CDH22: variants seen among roughly 807,000 people sequenced by gnomAD.
The protein encoded by CDH22 is cadherin 22, also known as cadherin-22.
A neutral mutation model predicts 58.4 loss-of-function variants in CDH22; 30 were observed. That is an observed-to-expected ratio of 0.51 (90% CI 0.38 to 0.70). CDH22 has a LOEUF of 0.70. Ranked by LOEUF, CDH22 falls within the 30% of genes least tolerant of loss-of-function variation. The pLI, the probability that CDH22 is intolerant of heterozygous loss-of-function variation, is 0.00. For synonymous variants in CDH22, 513 were observed against 558.2 expected (o/e 0.92, Z 1.14); for missense variants, 1,014 against 1,233.9 (o/e 0.82, Z 2.67).
rs763233491 is a variant in CDH22 at position 46,174,601 on chromosome 20, C to T, written c.2392G>A (p.Asp798Asn). The T allele has an allele frequency of 8.5e-5, 130 of 1,536,188 alleles. 1 individual carries two copies. The highest frequency in any genetic ancestry group is 1.7e-4 in the Middle Eastern group (1 of 5,940). The stretch of plus-strand genomic sequence containing the variant: ...CCCCAGCTGCTGAGATAGGCGAAGT[C>T]CTGCTCGGAGCCCGACGAGCCGCTG... ...LHSGSSGSEQDFAYLSSWGPR... is the reference protein window; with the variant it reads ...LHSGSSGSEQNFAYLSSWGPR... The change falls in exon 12 of 12, where the codon GAC becomes AAC. Residue 798 changes from aspartate to asparagine, a missense_variant. By Grantham distance (23) the Asp-to-Asn change is conservative. This residue lies in a region of CDH22 where 208 missense variants were observed against 195.2 expected (regional missense o/e 1.07). Coordinates refer to ENST00000537909, the MANE Select transcript of CDH22 (RefSeq NM_021248.3). This position sits in a 1 kb window ranked among gnomAD's most constrained non-coding sequence, Gnocchi z 4.4.
intron 7 of CDH22, among the ~76,000 whole-genome samples, chr20:46,209,531 A>G (rs1406757502): frequency 6.6e-6 from 1 of 152,140 alleles, no homozygotes; most frequent in East Asian, 1.9e-4. Context: ...TCCTGCAACA[A>G]TTCTAGGTTA....
chr20:46,198,085 G>T (rs111962468), intron 8 of CDH22, among the ~76,000 whole-genome samples: 218 of 152,262 alleles, frequency 1.4e-3, no homozygotes, highest in African/African-American at 4.8e-3. Flanking sequence ...GGCTGATGGG[G>T]TAGAGAAGCT....
intron 1 of CDH22, among the ~76,000 whole-genome samples, chr20:46,280,212 G>A (rs186319717): frequency 2.0e-4 from 31 of 152,282 alleles, no homozygotes; most frequent in African/African-American, 6.7e-4. Flanking sequence ...TTGAGCTCAG[G>A]TGTTTGAGAC....
At chr20:46,259,312 G>C (rs75579574) in intron 1 of CDH22, among the ~76,000 whole-genome samples, 4,503 of 152,258 alleles carry the variant, frequency 0.03, 97 homozygotes, top group Middle Eastern at 0.065. Context: ...TGAACTACTA[G>C]GTACCAAGTT....
intron 4 of CDH22, among the ~76,000 whole-genome samples, chr20:46,223,657 T>TTCTC (rs1568664066): frequency 2.1e-5 from 3 of 140,300 alleles, no homozygotes; most frequent in African/African-American, 7.9e-5. Flanking sequence ...TTCTCTTTCT[T>TTCTC]TTTCTTTCCT....
chr20:46,253,357 G>A (rs1054951030), intron 1 of CDH22, among the ~76,000 whole-genome samples: 1 of 152,166 alleles, frequency 6.6e-6, no homozygotes, highest in Non-Finnish European at 1.5e-5. Context: ...GACGGTGAAG[G>A]GGTTAAGCTG....
intron 1 of CDH22, among the ~76,000 whole-genome samples, chr20:46,253,916 G>A (rs572237836): frequency 2.0e-5 from 3 of 152,236 alleles, no homozygotes; most frequent in South Asian, 2.1e-4. Context: ...CAGTGTTCAC[G>A]GGCACCAAGC....
At chr20:46,185,130 T>TACAC (rs11467388) in intron 10 of CDH22, among the ~76,000 whole-genome samples, 2,973 of 148,738 alleles carry the variant, frequency 0.02, 50 homozygotes, top group Non-Finnish European at 0.029. Context: ...CCCACACGCA[T>TACAC]ACACACACAC....
rs553040712 is a variant in CDH22, at chr20:46,174,870, C to T, written c.2123G>A (p.Gly708Glu). Residue 708 changes from glycine to glutamate, a missense_variant, in exon 12 of 12, where the codon GGG becomes GAG. This residue lies in a region of CDH22 where 208 missense variants were observed against 195.2 expected (regional missense o/e 1.07). Coordinates refer to ENST00000537909, the MANE Select transcript of CDH22 (RefSeq NM_021248.3). This position sits in a 1 kb window ranked among gnomAD's most constrained non-coding sequence, Gnocchi z 4.4. ...KGGDGGGSAGGGAGGGSGGGA... is the reference protein window; with the variant it reads ...KGGDGGGSAGEGAGGGSGGGA... ...CCCGCCCGAGCCCCCGCCCGCTCCC[C>T]CGCCCGCGCTGCCGCCCCCGTCGCC... 1.6e-5 allele frequency: 21 copies of T among 1,348,194 alleles called. No homozygotes were observed. The African/African-American group carries it at 2.2e-4, about 14-fold the overall frequency. 83.5% of individuals were successfully genotyped at this position (1,348,194 alleles called of 1,614,324 possible).
rs887399718 is a variant in CDH22, at chr20:46,186,919, G to T, written c.1452C>A (p.Ser484=). The T allele has an allele frequency of 6.2e-7, 1 of 1,607,682 alleles. No individual in the cohort carries two copies. The highest frequency in any genetic ancestry group is 1.7e-5 in the Admixed American group (1 of 59,460). The change falls in exon 9 of 12, where the codon TCC becomes TCA. Residue 484 remains serine, a synonymous_variant. Transcript: ENST00000537909. ...TCACATCCAGGATTCGGATCCTTAGGGATGCCCGGGATAGCTGTGCATGAT... is the reference window on the plus strand; with the variant it reads ...TCACATCCAGGATTCGGATCCTTAGTGATGCCCGGGATAGCTGTGCATGAT... ...ADNHAQLSRA[S]LRIRILDVND...
intron 4 of CDH22, among the ~76,000 whole-genome samples, chr20:46,225,607 T>C (rs1472021075): frequency 6.6e-6 from 1 of 152,158 alleles, no homozygotes; most frequent in African/African-American, 2.4e-5. Flanking sequence ...GGGGACTGGA[T>C]GGGGTGAAGA....
chr20:46,255,640 C>T (rs561836606), intron 1 of CDH22, among the ~76,000 whole-genome samples: 4 of 152,320 alleles, frequency 2.6e-5, no homozygotes, highest in African/African-American at 9.6e-5. Context: ...GGCTAGGTGC[C>T]CTGGCAGCCT....
chr20:46,241,623 C>T lies in CDH22; in HGVS notation c.256-366G>A, dbSNP rs1019740518. 2.6e-5 allele frequency among the ~76,000 whole-genome samples: 4 copies of T among 152,222 alleles called. No individual in the cohort carries two copies. Among genetic ancestry groups the T allele is most frequent in the African/African-American group, 9.6e-5 (4 of 41,462 alleles). ...TCTCTCCCCTTTAGCACGCACAGCT[C>T]TGAGGCTTCTGCCTTGAGCCCTGTC... On this transcript the variant is annotated intron_variant, in intron 2 of 11. Transcript: ENST00000537909. The surrounding 1 kb of genome is among the most constrained non-coding windows in gnomAD (Gnocchi z 5.2).
chr20:46,246,709 G>A (rs2086331796), intron 2 of CDH22, among the ~76,000 whole-genome samples: 1 of 152,168 alleles, frequency 6.6e-6, no homozygotes, highest in Admixed American at 6.5e-5. Context: ...GAGTGATGGA[G>A]GAGGCGGTTG....
intron 7 of CDH22, among the ~76,000 whole-genome samples, chr20:46,208,794 T>A (rs980808962): frequency 6.6e-6 from 1 of 152,156 alleles, no homozygotes. Flanking sequence ...GGTTTCACCA[T>A]GTTGGTCAGG....
intron 8 of CDH22, 146 bp downstream of exon 8, chr20:46,199,277 G>C: frequency 2.1e-6 from 2 of 953,850 alleles, no homozygotes; most frequent in South Asian, 1.7e-5. Context: ...CTTTCTCTTC[G>C]CACCATCCCC....
At chr20:46,267,310 C>T (rs1206232129) in intron 1 of CDH22, among the ~76,000 whole-genome samples, 3 of 152,138 alleles carry the variant, frequency 2.0e-5, no homozygotes, top group Non-Finnish European at 4.4e-5. Context: ...AACTGTGTGC[C>T]CAGCCCCGAG....
At position 46,216,928 on chromosome 20, in the gene CDH22, G is replaced by A. The variant is rs1180366835; in HGVS notation, c.736C>T (p.Gln246Ter). Residue 246 changes from glutamine to a stop codon, truncating the protein, a stop_gained, in exon 5 of 12, where the codon CAG (glutamine) becomes TAG (stop). Transcript: ENST00000537909. LOFTEE classifies it high-confidence loss of function. The surrounding 1 kb of genome is among the most constrained non-coding windows in gnomAD (Gnocchi z 5.3). Reference sequence around the variant, plus strand: ...AGCTGACCCGCCATGTCTGTGGCCTGGATCACCACCTCGTAGCGCTCCTGG... The same window carrying A: ...AGCTGACCCGCCATGTCTGTGGCCTAGATCACCACCTCGTAGCGCTCCTGG... The part of the protein sequence containing the change: ...ESQERYEVVI[Q>*]ATDMAGQLGG... The A allele has an allele frequency of 6.2e-7, 1 of 1,610,470 alleles. No individual in the cohort carries two copies. The highest frequency in any genetic ancestry group is 2.2e-5 in the East Asian group (1 of 44,758).
intron 4 of CDH22, 119 bp downstream of exon 4, chr20:46,227,389 T>C: frequency 1.0e-6 from 1 of 983,286 alleles, no homozygotes; most frequent in South Asian, 1.5e-5. Flanking sequence ...GTGCCCCCTG[T>C]GCTGTCCTCA....
Sources: gnomAD v4.1 joint callset for allele counts (sites outside exome capture counted in the v4.1 genomes callset) on GRCh38, gnomAD v4.1.1 for gene constraint, gnomAD v4.1.1 regional missense constraint, Gnocchi (gnomAD v3.1) non-coding constraint, MANE v1.5 for transcripts, NCBI Gene and HGNC (gene_info 2026-07-23, HGNC 2026-07-21) for gene names.